Variants in TECR observed in about 807,000 individuals in gnomAD.
TECR encodes the protein very-long-chain enoyl-CoA reductase.
A neutral mutation model predicts 50.6 loss-of-function variants in TECR; 19 were observed. The observed-to-expected ratio is 0.38, with a 90% CI of 0.26 to 0.55. The LOEUF (loss-of-function observed/expected upper bound fraction) is 0.55. Ranked by LOEUF, TECR falls within the 20% of genes least tolerant of loss-of-function variation. The pLI is 0.79. For missense variants in TECR, 313 were observed against 408.3 expected (o/e 0.77, Z 2.01); for synonymous variants, 168 against 163.5 (o/e 1.03, Z -0.21).
At chr19:14,539,343 C>T (rs2073019085) in intron 1 of TECR, among the ~76,000 whole-genome samples, 1 of 151,870 alleles carries the variant, frequency 6.6e-6, no homozygotes. Flanking sequence ...ATGGGAAGAC[C>T]CTTGGGGAAG....
upstream of TECR, chr19:14,529,418 A>T: frequency 1.7e-6 from 1 of 601,410 alleles, no homozygotes; most frequent in Non-Finnish European, 3.0e-6. Flanking sequence ...AGCCCCTCCT[A>T]CAGGCGTTCC....
intron 2 of TECR, among the ~76,000 whole-genome samples, chr19:14,562,859 G>A (rs1392428651): frequency 3.9e-5 from 6 of 152,106 alleles, no homozygotes; most frequent in Admixed American, 1.3e-4. Flanking sequence ...AGGGGCTTGC[G>A]CTGTCCCTGG....
Position 14,563,090 on chromosome 19 carries a change from T to C in TECR, c.67-116T>C, listed in dbSNP as rs1014078807. 4.1e-6 allele frequency: 5 copies of C among 1,230,500 alleles called. No individual in the cohort carries two copies. The East Asian group carries it at 1.2e-4, about 31-fold the overall frequency. The allele number at this position is 1,230,500 out of a possible 1,614,324, so 76.2% of individuals were successfully genotyped here. ...CAGGCAGAGGCCTGGACCCCAGCCC[T>C]TCCCCCTTCCCATAGCTACAGCCCA... On this transcript the variant is annotated intron_variant, in intron 2 of 12. Transcript: ENST00000215567. This position sits in a 1 kb window ranked among gnomAD's most constrained non-coding sequence, Gnocchi z 5.3.
intron 1 of TECR, among the ~76,000 whole-genome samples, chr19:14,537,924 T>C (rs1479424460): frequency 6.6e-6 from 1 of 152,056 alleles, no homozygotes; most frequent in Non-Finnish European, 1.5e-5. Context: ...TTTTGTATTT[T>C]TAGTAGAGAT....
At chr19:14,532,153 G>C (rs895510811) in intron 1 of TECR, 6 of 152,304 alleles carry the variant, frequency 3.9e-5, no homozygotes, top group Admixed American at 2.6e-4. Context: ...CCCTGGGGGT[G>C]CGTGCTTTTG....
intron 1 of TECR, among the ~76,000 whole-genome samples, chr19:14,542,699 G>A (rs1403222741): frequency 2.0e-5 from 3 of 152,120 alleles, no homozygotes; most frequent in South Asian, 2.1e-4. Context: ...CAGAGCATTT[G>A]TTCCTTATTC....
At chr19:14,555,229 A>C (rs1191205347) in intron 1 of TECR, among the ~76,000 whole-genome samples, 1 of 151,356 alleles carries the variant, frequency 6.6e-6, no homozygotes, top group African/African-American at 2.4e-5. Context: ...CATAGGTGCG[A>C]GTCACCACAC....
At chr19:14,554,749 A>G (rs190798482) in intron 1 of TECR, among the ~76,000 whole-genome samples, 3 of 149,452 alleles carry the variant, frequency 2.0e-5, no homozygotes, top group Non-Finnish European at 4.4e-5. Context: ...TCACCTCCAC[A>G]TCTGTCCAGA....
intron 10 of TECR, 30 bp downstream of exon 10, chr19:14,565,153 C>T (rs1358939162): frequency 8.1e-6 from 13 of 1,613,628 alleles, no homozygotes; most frequent in African/African-American, 1.3e-5. Context: ...AGGGGGACAG[C>T]TGGGCTGGGT....
intron 1 of TECR, chr19:14,562,222 G>A (rs969625467): frequency 5.0e-6 from 3 of 601,116 alleles, no homozygotes; most frequent in Non-Finnish European, 8.9e-6. Flanking sequence ...CACAGAAGTC[G>A]GCAGTGCCAG....
intron 1 of TECR, among the ~76,000 whole-genome samples, chr19:14,544,421 C>T (rs2073232301): frequency 6.6e-6 from 1 of 152,012 alleles, no homozygotes. Flanking sequence ...AGCCGTTCAG[C>T]CGCATAATTG....
At position 14,564,311 on chromosome 19, in the gene TECR, C is replaced by T. The variant is rs368194236; in HGVS notation, c.489+24C>T. ...AGGTGAGAGCCCGTCCCCGCCTCAC[C>T]CCTAAGCCCCGCCTTTCTGCCCCAC... is the stretch of plus-strand genomic sequence containing the variant. On this transcript the variant is annotated intron_variant, in intron 7 of 12. Coordinates refer to ENST00000215567, the MANE Select transcript of TECR (RefSeq NM_138501.6). 5.1e-6 allele frequency: 8 copies of T among 1,577,008 alleles called. No individual in the cohort carries two copies. The African/African-American group carries it at 9.5e-5, about 19-fold the overall frequency.
chr19:14,551,706 CTG>C (rs1281307257), intron 1 of TECR, among the ~76,000 whole-genome samples: 4 of 152,010 alleles, frequency 2.6e-5, no homozygotes, highest in Admixed American at 6.6e-5. Flanking sequence ...TACAGCCTGG[CTG>C]TGTGAGGCTG....
Position 14,563,002 on chromosome 19 carries a change from G to C in TECR, c.67-204G>C. The C allele has an allele frequency of 1.6e-6, 1 of 638,740 alleles. No homozygotes were observed. The allele number at this position is 638,740 out of a possible 1,614,324, so 39.6% of individuals were successfully genotyped here. On this transcript the variant is annotated intron_variant, in intron 2 of 12. Transcript: ENST00000215567. The surrounding 1 kb of genome is among the most constrained non-coding windows in gnomAD (Gnocchi z 5.3). ...GGGGGCCTGCTGGCTGAGGGTAAAA[G>C]TGGAGCCCCAGACCCCTGCTGTCAC... is the stretch of plus-strand genomic sequence containing the variant.
At chr19:14,539,140 A>ATTTTTTTTTTTTTTTTTTTTTTT in intron 1 of TECR, among the ~76,000 whole-genome samples, 1 of 92,532 alleles carries the variant, frequency 1.1e-5, no homozygotes, top group Non-Finnish European at 2.0e-5. Flanking sequence ...CGCCCGGCTA[A>ATTTTTTTTTTTTTTTTTTTTTTT]TTTTTTTTTT....
At chr19:14,535,003 G>A (rs563462938) in intron 1 of TECR, among the ~76,000 whole-genome samples, 1 of 152,312 alleles carries the variant, frequency 6.6e-6, no homozygotes, top group South Asian at 2.1e-4. Flanking sequence ...GCGGGTCAGT[G>A]TGGACTGCTG....
intron 1 of TECR, among the ~76,000 whole-genome samples, chr19:14,559,459 C>T (rs1165307580): frequency 6.6e-6 from 1 of 152,036 alleles, no homozygotes; most frequent in African/African-American, 2.4e-5. Context: ...TTTCTTTTAC[C>T]CCACCTGGAA....
chr19:14,549,863 A>C (rs1007564988), intron 1 of TECR, among the ~76,000 whole-genome samples: 1 of 151,896 alleles, frequency 6.6e-6, no homozygotes, highest in Non-Finnish European at 1.5e-5. Context: ...GAATCACTGG[A>C]ACTCGGCATG....
intron 1 of TECR, among the ~76,000 whole-genome samples, chr19:14,541,716 C>T (rs942724808): frequency 2.6e-5 from 4 of 151,726 alleles, no homozygotes; most frequent in African/African-American, 4.8e-5. Flanking sequence ...ATATGTCCCA[C>T]GTTGAGGGAT....
Sources: gnomAD v4.1 joint callset for allele counts (sites outside exome capture counted in the v4.1 genomes callset) on GRCh38, gnomAD v4.1.1 for gene constraint, Gnocchi (gnomAD v3.1) non-coding constraint, MANE v1.5 for transcripts, NCBI Gene and HGNC (gene_info 2026-07-23, HGNC 2026-07-21) for gene names.